Variants in ALCAM observed in about 807,000 individuals in gnomAD.
The protein encoded by ALCAM is CD166 antigen.
A neutral mutation model predicts 70.9 loss-of-function variants in ALCAM; 30 were observed. That is an observed-to-expected ratio of 0.42 (90% confidence interval 0.32 to 0.57). The LOEUF (loss-of-function observed/expected upper bound fraction) is 0.57, where lower values mean the gene tolerates loss of function less well. ALCAM is among the 20% of genes least tolerant of loss of function. The probability of loss-of-function intolerance (pLI) is 0.11; values close to 1 mark genes in which losing one functional copy is unlikely to be tolerated. For synonymous variants in ALCAM, 249 were observed against 242.5 expected, an observed-to-expected ratio of 1.03 and a Z score of -0.25; for missense variants, 591 against 695.1, an observed-to-expected ratio of 0.85 and a Z score of 1.68.
chr3:105,552,100 A>G (rs769641833), intron 12 of ALCAM, 44 bp from the exon 13 acceptor site: 1 of 1,477,412 alleles, frequency 6.8e-7, no homozygotes, highest in South Asian at 1.2e-5. Context: ...TTCATATATC[A>G]ACAAATTTTG....
Position 105,534,784 on chromosome 3 carries a change from A to G in ALCAM, c.669A>G (p.Thr223=), listed in dbSNP as rs1939929097. The part of the protein sequence containing the change: ...DIQMPFTCSV[T]YYGPSGQKTI... ...AAATGCCATTCACCTGCTCGGTGACATATTATGGACCATCTGGCCAGAAAA... is the reference window on the plus strand; with the variant it reads ...AAATGCCATTCACCTGCTCGGTGACGTATTATGGACCATCTGGCCAGAAAA... Residue 223 remains threonine (T), a synonymous_variant, in exon 6 of 16, where the codon ACA becomes ACG. Transcript: ENST00000306107. 3.1e-6 allele frequency: 5 copies of G among 1,613,814 alleles called. No individual in the cohort carries two copies. The highest frequency in any genetic ancestry group is 4.5e-5 in the East Asian group (2 of 44,854).
chr3:105,478,825 G>T (rs1303834992), intron 1 of ALCAM, among the ~76,000 whole-genome samples: 1 of 151,924 alleles, frequency 6.6e-6, no homozygotes, highest in Non-Finnish European at 1.5e-5. Flanking sequence ...TGATTTTTTT[G>T]GAAATAAATA....
intron 15 of ALCAM, 100 bp downstream of exon 15, chr3:105,572,064 C>G: frequency 3.0e-6 from 2 of 660,902 alleles, no homozygotes; most frequent in Non-Finnish European, 2.5e-6. Context: ...ATAATTACAG[C>G]TTTCAAAACA....
intron 14 of ALCAM, among the ~76,000 whole-genome samples, chr3:105,564,253 G>T (rs896299005): frequency 6.6e-6 from 1 of 152,316 alleles, no homozygotes; most frequent in East Asian, 1.9e-4. Flanking sequence ...CACTTCACAT[G>T]TAATGTAAGA....
At chr3:105,525,159 A>T (rs867590406) in intron 3 of ALCAM, 26 of 983,448 alleles carry the variant, frequency 2.6e-5, no homozygotes, top group Non-Finnish European at 3.0e-5. Context: ...TCCTAAAATT[A>T]AAAAAACTCA....
chr3:105,531,864 T>C (rs574321835), intron 3 of ALCAM, 138 bp from the exon 4 acceptor site: 14 of 759,794 alleles, frequency 1.8e-5, no homozygotes, highest in African/African-American at 1.4e-4. Flanking sequence ...CAAATCCAGA[T>C]TGTATAACGA....
At chr3:105,535,410 T>G (rs1338815686) in intron 6 of ALCAM, among the ~76,000 whole-genome samples, 2 of 152,132 alleles carry the variant, frequency 1.3e-5, no homozygotes, top group Admixed American at 1.3e-4. Flanking sequence ...TAGAATCTTT[T>G]TCTCCATTGC....
intron 5 of ALCAM, among the ~76,000 whole-genome samples, chr3:105,534,316 A>G (rs948269039): frequency 2.0e-4 from 30 of 152,014 alleles, no homozygotes; most frequent in Non-Finnish European, 4.4e-5. Flanking sequence ...TTGAGCTATG[A>G]CTCTTATGCT....
In ALCAM at chr3:105,509,841, A is replaced by C. The variant is rs137855421; in HGVS notation, c.74-10226A>C. ...CTTTTCCCCTATGCATTCTTCTAAAAGCTTTAAGGTTTGTCTTACATTTAA... is the reference window on the plus strand; with the variant it reads ...CTTTTCCCCTATGCATTCTTCTAAACGCTTTAAGGTTTGTCTTACATTTAA... On this transcript the variant is annotated intron_variant, in intron 1 of 15. Transcript: ENST00000306107. Among the ~76,000 whole-genome samples the C allele has an allele frequency of 4.2e-3, 633 of 152,192 alleles. 9 individuals carry two copies. The highest frequency in any genetic ancestry group is 0.031 in the Middle Eastern group (9 of 294).
intron 1 of ALCAM, among the ~76,000 whole-genome samples, chr3:105,387,878 G>C (rs1935697068): frequency 6.6e-6 from 1 of 151,472 alleles, no homozygotes; most frequent in African/African-American, 2.4e-5. Context: ...CCTTCCGTGT[G>C]GTTGTGAGAC....
At chr3:105,497,808 GA>G (rs1477290849) in intron 1 of ALCAM, among the ~76,000 whole-genome samples, 4 of 152,082 alleles carry the variant, frequency 2.6e-5, no homozygotes, top group Non-Finnish European at 4.4e-5. Context: ...GAGGCGGGCG[GA>G]TCACGAGGTC....
intron 1 of ALCAM, among the ~76,000 whole-genome samples, chr3:105,434,718 CT>C (rs1424536420): frequency 2.2e-4 from 34 of 152,156 alleles, no homozygotes; most frequent in African/African-American, 8.2e-4. Context: ...AGTTAATTCT[CT>C]AGAAATGAAG....
intron 1 of ALCAM, among the ~76,000 whole-genome samples, chr3:105,416,596 C>T (rs1163528342): frequency 1.3e-5 from 2 of 151,864 alleles, no homozygotes; most frequent in East Asian, 1.9e-4. Flanking sequence ...CCGTATTGCT[C>T]CTCATCCTGT....
intron 1 of ALCAM, among the ~76,000 whole-genome samples, chr3:105,476,715 C>T (rs555982584): frequency 6.6e-6 from 1 of 152,172 alleles, no homozygotes; most frequent in East Asian, 1.9e-4. Context: ...AAGCCAGAAA[C>T]CTAGAAAACA....
At chr3:105,475,793 C>T (rs1047418484) in intron 1 of ALCAM, among the ~76,000 whole-genome samples, 22 of 151,836 alleles carry the variant, frequency 1.4e-4, no homozygotes, top group Admixed American at 4.6e-4. Context: ...CTTGTGTACA[C>T]CCTTTCCCTC....
intron 12 of ALCAM, among the ~76,000 whole-genome samples, chr3:105,551,371 C>A (rs1157529032): frequency 1.3e-5 from 2 of 151,518 alleles, no homozygotes; most frequent in Non-Finnish European, 3.0e-5. Context: ...GTTTTCTAGG[C>A]CTTGCAGTGA....
intron 1 of ALCAM, among the ~76,000 whole-genome samples, chr3:105,518,385 G>T (rs984520665): frequency 6.6e-6 from 1 of 152,086 alleles, no homozygotes; most frequent in East Asian, 1.9e-4. Flanking sequence ...CCTTGGCTTT[G>T]CAGACCTCTA....
At chr3:105,460,310 A>G (rs1937585983) in intron 1 of ALCAM, among the ~76,000 whole-genome samples, 1 of 152,040 alleles carries the variant, frequency 6.6e-6, no homozygotes, top group Non-Finnish European at 1.5e-5. Flanking sequence ...TGTTTCTCTC[A>G]CATGCAGTGC....
At chr3:105,504,786 C>CA in intron 1 of ALCAM, among the ~76,000 whole-genome samples, 1 of 152,294 alleles carries the variant, frequency 6.6e-6, no homozygotes, top group South Asian at 2.1e-4. Flanking sequence ...GGCAGGAAAA[C>CA]AAAAATGCCT....
Sources: allele counts gnomAD v4.1 joint callset (sites outside exome capture counted in the v4.1 genomes callset), GRCh38; gene constraint gnomAD v4.1.1; transcripts MANE v1.5; gene names NCBI Gene and HGNC (gene_info 2026-07-23, HGNC 2026-07-21).